PLXDC2: variants seen among roughly 807,000 people sequenced by gnomAD.
PLXDC2 encodes plexin domain containing 2, also known as plexin domain-containing protein 2.
A neutral mutation model predicts 68.9 loss-of-function variants in PLXDC2; 40 were observed. The ratio of observed to expected loss-of-function variants is 0.58; its 90% CI spans 0.45 to 0.76. The LOEUF (loss-of-function observed/expected upper bound fraction) is 0.76, where lower values mean the gene tolerates loss of function less well. Among genes scored for constraint, PLXDC2 ranks in the 30% least tolerant of loss-of-function variants. PLXDC2 has a pLI of 0.00. For missense variants in PLXDC2, 644 were observed against 661.9 expected, an observed-to-expected ratio of 0.97 and a Z score of 0.30; for synonymous variants, 243 against 234.2, an observed-to-expected ratio of 1.04 and a Z score of -0.34.
intron 1 of PLXDC2, among the ~76,000 whole-genome samples, chr10:19,893,363 TTGGTTGAAATAGC>T (rs1197622411): frequency 6.6e-6 from 1 of 152,206 alleles, no homozygotes; most frequent in Admixed American, 6.5e-5. Flanking sequence ...AGTTATTTCA[TTGGTTGAAATAGC>T]TGACCGCTTA....
At chr10:20,023,254 C>T (rs1835343650) in intron 2 of PLXDC2, among the ~76,000 whole-genome samples, 1 of 151,618 alleles carries the variant, frequency 6.6e-6, no homozygotes. Flanking sequence ...TGGGTCTTAC[C>T]AAGTTATCCT....
At chr10:20,047,091 CT>C in intron 3 of PLXDC2, 76 bp downstream of exon 3, 1 of 1,384,670 alleles carries the variant, frequency 7.2e-7, no homozygotes, top group Non-Finnish European at 9.6e-7. Context: ...ACAACCATTT[CT>C]TTTATGAGTT....
At chr10:20,144,581 T>C (rs556690184) in intron 5 of PLXDC2, among the ~76,000 whole-genome samples, 9 of 152,194 alleles carry the variant, frequency 5.9e-5, no homozygotes, top group Non-Finnish European at 1.2e-4. Flanking sequence ...TATATTCTCT[T>C]CTCTTCCATT....
chr10:19,931,511 T>C (rs1358091727), intron 1 of PLXDC2, among the ~76,000 whole-genome samples: 1 of 152,240 alleles, frequency 6.6e-6, no homozygotes, highest in Admixed American at 6.5e-5. Context: ...GCTCGCTATT[T>C]AAAGGAATCC....
intron 1 of PLXDC2, among the ~76,000 whole-genome samples, chr10:19,912,358 T>C (rs546034964): frequency 6.6e-6 from 1 of 152,336 alleles, no homozygotes; most frequent in South Asian, 2.1e-4. Flanking sequence ...AGCTTTCCCA[T>C]TTGAACATTC....
chr10:20,103,080 G>A (rs548929118), intron 4 of PLXDC2, among the ~76,000 whole-genome samples: 3 of 152,312 alleles, frequency 2.0e-5, no homozygotes, highest in Non-Finnish European at 4.4e-5. Flanking sequence ...GTACCTCTGA[G>A]AGTCTAAGAA....
chr10:20,082,070 A>AAAAAAAAAAAAAAAAAAAAAAAAAC lies in PLXDC2; in HGVS notation c.541+13837_541+13838insAAAAAAAAAAAAAAAAAACAAAAAA, dbSNP rs1554765383. Among the ~76,000 whole-genome samples, 8 of 121,926 alleles carry AAAAAAAAAAAAAAAAAAAAAAAAAC rather than the reference A, an allele frequency of 6.6e-5. 2 individuals are homozygous for AAAAAAAAAAAAAAAAAAAAAAAAAC. Among genetic ancestry groups the AAAAAAAAAAAAAAAAAAAAAAAAAC allele is most frequent in the East Asian group, 6.0e-4 (2 of 3,358 alleles). The allele number at this position is 121,926 out of a possible 152,430, so 80.0% of individuals were successfully genotyped here. ...GAAAAAAAAAAAAAAAAATCAAAAA[A>AAAAAAAAAAAAAAAAAAAAAAAAAC]AAAAAACAGGAGAAGTCTGAGAAAC... On this transcript the variant is annotated intron_variant, in intron 4 of 13. Coordinates refer to ENST00000377252, the MANE Select transcript of PLXDC2 (RefSeq NM_032812.9).
At chr10:19,958,018 T>G (rs1834098684) in intron 1 of PLXDC2, among the ~76,000 whole-genome samples, 1 of 152,096 alleles carries the variant, frequency 6.6e-6, no homozygotes, top group South Asian at 2.1e-4. Context: ...TTGTCTGACT[T>G]AGATCTGCAT....
At chr10:19,865,470 A>G (rs1589508092) in intron 1 of PLXDC2, among the ~76,000 whole-genome samples, 1 of 152,186 alleles carries the variant, frequency 6.6e-6, no homozygotes, top group Admixed American at 6.5e-5. Flanking sequence ...CCCTCTCATT[A>G]CTGGTATGAA....
intron 1 of PLXDC2, among the ~76,000 whole-genome samples, chr10:19,902,883 C>T (rs1838181985): frequency 6.6e-6 from 1 of 152,142 alleles, no homozygotes; most frequent in Non-Finnish European, 1.5e-5. Context: ...GGGTTTTAAT[C>T]ATAAAAGAAT....
At chr10:19,833,357 G>A (rs1440206575) in intron 1 of PLXDC2, among the ~76,000 whole-genome samples, 1 of 152,180 alleles carries the variant, frequency 6.6e-6, no homozygotes, top group African/African-American at 2.4e-5. Context: ...AGTGCCGACT[G>A]CACCTCCAGC....
At chr10:20,173,779 G>T (rs1421573445) in intron 7 of PLXDC2, among the ~76,000 whole-genome samples, 2 of 152,130 alleles carry the variant, frequency 1.3e-5, no homozygotes, top group African/African-American at 2.4e-5. Context: ...TCACATGAAA[G>T]CTTCTAGTAT....
At chr10:19,903,419 C>A (rs887025719) in intron 1 of PLXDC2, among the ~76,000 whole-genome samples, 5 of 151,538 alleles carry the variant, frequency 3.3e-5, no homozygotes, top group Non-Finnish European at 7.4e-5. Context: ...TGTATATTTC[C>A]AGGAATTTAT....
intron 1 of PLXDC2, among the ~76,000 whole-genome samples, chr10:19,846,091 C>T (rs1837003981): frequency 6.6e-6 from 1 of 152,162 alleles, no homozygotes; most frequent in Non-Finnish European, 1.5e-5. Context: ...CAAAAATTTA[C>T]AAAGCTGCAC....
intron 4 of PLXDC2, among the ~76,000 whole-genome samples, chr10:20,126,860 T>C (rs1833798946): frequency 1.4e-5 from 2 of 147,930 alleles, no homozygotes; most frequent in South Asian, 4.2e-4. Flanking sequence ...ATATATGTTA[T>C]GTATGTATAT....
intron 7 of PLXDC2, among the ~76,000 whole-genome samples, chr10:20,169,589 A>G (rs951024803): frequency 6.6e-6 from 1 of 152,118 alleles, no homozygotes; most frequent in Non-Finnish European, 1.5e-5. Flanking sequence ...CCAATGTAAC[A>G]TTTTGAATTT....
intron 1 of PLXDC2, among the ~76,000 whole-genome samples, chr10:19,825,100 A>T (rs140546664): frequency 1.3e-3 from 199 of 152,254 alleles, no homozygotes; most frequent in Non-Finnish European, 1.9e-3. Flanking sequence ...AGGCCTTATC[A>T]TAGTTAGTGG....
intron 1 of PLXDC2, among the ~76,000 whole-genome samples, chr10:19,899,614 A>C (rs1838124655): frequency 6.6e-6 from 1 of 152,184 alleles, no homozygotes; most frequent in Non-Finnish European, 1.5e-5. Flanking sequence ...GTAATTGTAA[A>C]TTTTAAGTAT....
In PLXDC2 at chr10:20,001,878, C is replaced by T. The variant is rs754154716; in HGVS notation, c.216C>T (p.Leu72=). 1 of 1,613,968 alleles carries T rather than the reference C, an allele frequency of 6.2e-7. No individual in the cohort carries two copies. The highest frequency in any genetic ancestry group is 8.5e-7 in the Non-Finnish European group (1 of 1,179,980). ...SHRWKRNLDF[L]KAVDTNRASV... is the part of the protein sequence containing the mutation. ...GGTGGAAAAGAAACTTGGACTTTCTCAAGGCGGTAGACACGAACCGAGCAA... is the reference window on the plus strand; with the variant it reads ...GGTGGAAAAGAAACTTGGACTTTCTTAAGGCGGTAGACACGAACCGAGCAA... Residue 72 remains leucine (L), a synonymous_variant, in exon 2 of 14, where the codon CTC becomes CTT. Coordinates refer to ENST00000377252, the MANE Select transcript of PLXDC2 (RefSeq NM_032812.9).
Sources: gnomAD v4.1 joint callset for allele counts (sites outside exome capture counted in the v4.1 genomes callset) on GRCh38, gnomAD v4.1.1 for gene constraint, MANE v1.5 for transcripts, NCBI Gene and HGNC (gene_info 2026-07-23, HGNC 2026-07-21) for gene names.